SOX5: variants seen among roughly 807,000 people sequenced by gnomAD.
The protein encoded by SOX5 is SRY-box transcription factor 5, also known as transcription factor SOX-5.
Under a neutral mutation model 92.0 loss-of-function variants are expected in SOX5, and 9 were observed. The ratio of observed to expected loss-of-function variants is 0.10; its 90% CI spans 0.06 to 0.17. The LOEUF is 0.17. Among genes scored for constraint, SOX5 ranks in the 10% least tolerant of loss-of-function variants. SOX5 has a pLI of 1.00. For synonymous variants in SOX5, 344 were observed against 336.3 expected (o/e 1.02, Z -0.25); for missense variants, 642 against 944.5 (o/e 0.68, Z 4.20).
intron 4 of SOX5, among the ~76,000 whole-genome samples, chr12:24,176,970 G>GTTTTTT (rs1954879353): frequency 1.8e-5 from 1 of 56,866 alleles, no homozygotes; most frequent in Non-Finnish European, 3.2e-5. Context: ...GTCAAGTTTT[G>GTTTTTT]TTTTTTGTTT....
chr12:23,817,837 G>C (rs1009509318), intron 3 of SOX5, among the ~76,000 whole-genome samples: 2 of 152,024 alleles, frequency 1.3e-5, no homozygotes, highest in African/African-American at 4.8e-5. Context: ...AAAAGACCAC[G>C]AACAACTTGA....
At chr12:23,538,048 C>CT (rs1940995427) in intron 13 of SOX5, among the ~76,000 whole-genome samples, 2 of 151,946 alleles carry the variant, frequency 1.3e-5, no homozygotes, top group Admixed American at 1.3e-4. Flanking sequence ...GACCGATAAA[C>CT]TGGAACTAGG....
chr12:24,348,364 C>CTATTTATTTATTTATT (rs55635240), intron 2 of SOX5, among the ~76,000 whole-genome samples: 5,376 of 142,698 alleles, frequency 0.038, 172 homozygotes, highest in African/African-American at 0.064. Flanking sequence ...CTATTGACTC[C>CTATTTATTTATTTATT]TATTTATTTA....
chr12:23,971,080 T>C (rs1948268401), intron 4 of SOX5, among the ~76,000 whole-genome samples: 2 of 147,886 alleles, frequency 1.4e-5, no homozygotes, highest in Admixed American at 1.4e-4. Context: ...TTTGTTATTA[T>C]TTAGTAGTAG....
At chr12:23,548,246 G>A (rs1477709544) in intron 11 of SOX5, among the ~76,000 whole-genome samples, 1 of 152,028 alleles carries the variant, frequency 6.6e-6, no homozygotes, top group Admixed American at 6.6e-5. Flanking sequence ...AGAACGACAC[G>A]TTAAGTGACT....
chr12:24,399,318 G>A (rs1960913155), intron 1 of SOX5, among the ~76,000 whole-genome samples: 1 of 152,126 alleles, frequency 6.6e-6, no homozygotes, highest in Non-Finnish European at 1.5e-5. Context: ...TAAAACAACT[G>A]ATTTCTTCTC....
intron 4 of SOX5, among the ~76,000 whole-genome samples, chr12:24,089,986 G>T (rs1944447702): frequency 6.6e-6 from 1 of 151,988 alleles, no homozygotes; most frequent in African/African-American, 2.4e-5. Context: ...CTTTATTCAA[G>T]GAATCAATAC....
chr12:24,319,273 A>G (rs898511770), intron 2 of SOX5, among the ~76,000 whole-genome samples: 2 of 152,200 alleles, frequency 1.3e-5, no homozygotes, highest in African/African-American at 4.8e-5. Context: ...CCTCAAGCTG[A>G]CATATTCTCT....
rs114393655 is a variant in SOX5, at chr12:24,082,277, G to T, written c.-2+131066C>A. Among the ~76,000 whole-genome samples, 1,142 of 151,706 alleles carry T rather than the reference G, an allele frequency of 7.5e-3. 20 individuals carry two copies. The highest frequency in any genetic ancestry group is 0.026 in the African/African-American group (1,073 of 41,422). The stretch of plus-strand genomic sequence containing the variant: ...GTATTATAAAACTCACTGTTTCCCT[G>T]TGAACCACCATGTCTGTGCCCCACA... On this transcript the variant is annotated intron_variant, in intron 4 of 4. Transcript: ENST00000446891.
At chr12:24,408,534 T>A (rs1301727646) in intron 1 of SOX5, among the ~76,000 whole-genome samples, 1 of 152,126 alleles carries the variant, frequency 6.6e-6, no homozygotes, top group African/African-American at 2.4e-5. Flanking sequence ...GCCACACTTG[T>A]TTCCGCTCCA....
chr12:24,408,712 C>T (rs1482082597), intron 1 of SOX5, among the ~76,000 whole-genome samples: 1 of 152,132 alleles, frequency 6.6e-6, no homozygotes, highest in Non-Finnish European at 1.5e-5. Context: ...GAATAGTGTT[C>T]TATGGTATGG....
chr12:23,664,044 T>A (rs1410352132), intron 7 of SOX5, among the ~76,000 whole-genome samples: 2 of 152,158 alleles, frequency 1.3e-5, no homozygotes, highest in Non-Finnish European at 2.9e-5. Context: ...TGAATTTGTA[T>A]AGTCTTGAAT....
At chr12:24,519,010 T>C (rs774005525) in intron 1 of SOX5, among the ~76,000 whole-genome samples, 9 of 152,152 alleles carry the variant, frequency 5.9e-5, no homozygotes, top group Non-Finnish European at 7.4e-5. Context: ...AGAGAAAATA[T>C]AAAAACGTTT....
chr12:24,550,822 C>T (rs1302927540), intron 1 of SOX5, among the ~76,000 whole-genome samples: 1 of 152,178 alleles, frequency 6.6e-6, no homozygotes, highest in African/African-American at 2.4e-5. Flanking sequence ...ACACAATCTC[C>T]TTTTATTTCC....
chr12:24,148,764 C>T (rs889781405), intron 4 of SOX5, among the ~76,000 whole-genome samples: 2 of 144,218 alleles, frequency 1.4e-5, no homozygotes, highest in Admixed American at 7.0e-5. Context: ...GTGGCCCATA[C>T]ATATAGTCCC....
intron 4 of SOX5, among the ~76,000 whole-genome samples, chr12:24,191,565 G>T (rs1011425256): frequency 6.6e-6 from 1 of 152,172 alleles, no homozygotes; most frequent in Non-Finnish European, 1.5e-5. Flanking sequence ...GACCAGATAC[G>T]TTCCTACAGA....
intron 2 of SOX5, among the ~76,000 whole-genome samples, chr12:24,299,826 C>A (rs1007114559): frequency 3.3e-5 from 5 of 152,156 alleles, no homozygotes; most frequent in Non-Finnish European, 7.3e-5. Flanking sequence ...AAAAATGTGT[C>A]TCCTCTGACA....
chr12:24,055,243 A>G (rs1957981203), intron 4 of SOX5, among the ~76,000 whole-genome samples: 1 of 152,210 alleles, frequency 6.6e-6, no homozygotes, highest in South Asian at 2.1e-4. Flanking sequence ...CTACTTCCAA[A>G]AACTCCTTCA....
At chr12:23,722,377 T>C (rs2092867769) in intron 6 of SOX5, among the ~76,000 whole-genome samples, 1 of 152,114 alleles carries the variant, frequency 6.6e-6, no homozygotes, top group East Asian at 1.9e-4. Flanking sequence ...TGAATTGAGA[T>C]TCTCCCTCAG....
Sources: allele counts gnomAD v4.1 joint callset (sites outside exome capture counted in the v4.1 genomes callset), GRCh38; gene constraint gnomAD v4.1.1; transcripts MANE v1.5; gene names NCBI Gene and HGNC (gene_info 2026-07-23, HGNC 2026-07-21).